The following RALGAPA1 variants were observed in gnomAD, a reference collection of about 807,000 sequenced individuals.
RALGAPA1 encodes the protein ral GTPase-activating protein subunit alpha-1.
A neutral mutation model predicts 269.6 loss-of-function variants in RALGAPA1; 52 were observed. The ratio of observed to expected loss-of-function variants is 0.19; its 90% CI spans 0.15 to 0.24. RALGAPA1 has a LOEUF of 0.24. Ranked by LOEUF, RALGAPA1 falls within the 10% of genes least tolerant of loss-of-function variation. The pLI is 1.00. For missense variants in RALGAPA1, 1,917 were observed against 3,013.9 expected, an observed-to-expected ratio of 0.64 and a Z score of 8.52; for synonymous variants, 817 against 1,008.3, an observed-to-expected ratio of 0.81 and a Z score of 3.60.
chr14:35,803,303 C>T (rs1176841224), intron 1 of RALGAPA1, among the ~76,000 whole-genome samples: 2 of 152,202 alleles, frequency 1.3e-5, no homozygotes, highest in South Asian at 2.1e-4. Context: ...CATGCAAAAA[C>T]GTAAACTTCT....
intron 7 of RALGAPA1, 134 bp downstream of exon 7, chr14:35,756,659 C>T (rs866952986): frequency 1.9e-6 from 1 of 536,488 alleles, no homozygotes; most frequent in African/African-American, 1.9e-5. Flanking sequence ...AGCCATTGAC[C>T]CTTCCCCTCC....
In RALGAPA1 at chr14:35,798,501, CCA is replaced by C. The variant is rs750237206; in HGVS notation, c.106+10227_106+10228del. Among the ~76,000 whole-genome samples, 29 of 152,232 alleles carry C rather than the reference CCA, an allele frequency of 1.9e-4. No homozygotes were observed. The East Asian group carries it at 5.4e-3, about 28-fold the overall frequency. On this transcript the variant is annotated intron_variant, in intron 1 of 41. Coordinates refer to ENST00000680220, the MANE Select transcript of RALGAPA1 (RefSeq NM_001346249.2). ...CTGTAAGAGAAGACTTGAAATGTTC[CCA>C]GCACAAATAAATAATAAATGTTCAA...
chr14:35,602,291 T>C (rs2059338909), intron 36 of RALGAPA1, among the ~76,000 whole-genome samples: 1 of 152,230 alleles, frequency 6.6e-6, no homozygotes, highest in African/African-American at 2.4e-5. Flanking sequence ...GCCAGGCTTT[T>C]GCATGGACAT....
At chr14:35,633,621 G>A (rs1415161889) in intron 33 of RALGAPA1, among the ~76,000 whole-genome samples, 1 of 152,050 alleles carries the variant, frequency 6.6e-6, no homozygotes, top group Non-Finnish European at 1.5e-5. Context: ...ATGACAATAT[G>A]GATGTATCAC....
At chr14:35,766,671 G>C (rs2074175927) in intron 4 of RALGAPA1, 1 of 667,418 alleles carries the variant, frequency 1.5e-6, no homozygotes, top group Non-Finnish European at 2.9e-6. Context: ...AATTCTCTCA[G>C]GAAATGTTTT....
intron 39 of RALGAPA1, among the ~76,000 whole-genome samples, chr14:35,563,644 A>G (rs2056466569): frequency 6.6e-6 from 1 of 152,218 alleles, no homozygotes; most frequent in African/African-American, 2.4e-5. Flanking sequence ...TTGACTTACA[A>G]TGGGCTTACA....
chr14:35,658,491 T>C (rs2063341811), intron 28 of RALGAPA1, among the ~76,000 whole-genome samples: 1 of 152,066 alleles, frequency 6.6e-6, no homozygotes, highest in South Asian at 2.1e-4. Context: ...TGACGTACTA[T>C]TAGAATTAGC....
intron 36 of RALGAPA1, among the ~76,000 whole-genome samples, chr14:35,603,890 C>T (rs768587954): frequency 8.6e-5 from 13 of 151,786 alleles, no homozygotes; most frequent in Non-Finnish European, 1.8e-4. Context: ...CTAATGAATA[C>T]GAAACATATA....
At chr14:35,790,028 G>A (rs2076046941) in intron 1 of RALGAPA1, among the ~76,000 whole-genome samples, 1 of 151,826 alleles carries the variant, frequency 6.6e-6, no homozygotes, top group African/African-American at 2.4e-5. Flanking sequence ...CCAAGGAGGT[G>A]GATCTCTTGA....
intron 1 of RALGAPA1, among the ~76,000 whole-genome samples, chr14:35,795,212 T>C (rs1199671829): frequency 1.3e-5 from 2 of 152,038 alleles, no homozygotes; most frequent in Admixed American, 6.6e-5. Flanking sequence ...TAAGTCGTAG[T>C]GAGGAGAAAG....
At chr14:35,557,267 A>G (rs2055713793) in intron 39 of RALGAPA1, among the ~76,000 whole-genome samples, 1 of 151,246 alleles carries the variant, frequency 6.6e-6, no homozygotes, top group Admixed American at 6.6e-5. Flanking sequence ...TCTTGGAAAG[A>G]TCTACTTGGA....
At chr14:35,628,127 T>C (rs559478452) in intron 33 of RALGAPA1, among the ~76,000 whole-genome samples, 176 bp from the exon 34 acceptor site, 2 of 152,344 alleles carry the variant, frequency 1.3e-5, no homozygotes, top group South Asian at 4.1e-4. Flanking sequence ...GATGAAGTTT[T>C]GTTTATAAGG....
chr14:35,734,083 T>C (rs1364156129), intron 12 of RALGAPA1, among the ~76,000 whole-genome samples: 2 of 152,170 alleles, frequency 1.3e-5, no homozygotes, highest in Non-Finnish European at 2.9e-5. Context: ...ACACATCCCA[T>C]GCTCATGGAT....
chr14:35,622,480 TTGTGCAC>T lies in RALGAPA1; in HGVS notation c.6929+2874_6929+2880del, dbSNP rs1380758924. Among the ~76,000 whole-genome samples, 9 of 152,328 alleles carry T rather than the reference TTGTGCAC, an allele frequency of 5.9e-5. No homozygotes were observed. The East Asian group carries it at 1.7e-3, about 29-fold the overall frequency. On this transcript the variant is annotated intron_variant, in intron 35 of 41. Transcript: ENST00000680220. ...TATACGTATGTAACAAACCTGCACG[TTGTGCAC>T]ATGTACCCTAAAACTTAAAGTATAA...
intron 37 of RALGAPA1, among the ~76,000 whole-genome samples, chr14:35,588,800 C>T (rs945172812): frequency 2.6e-5 from 4 of 152,186 alleles, no homozygotes; most frequent in African/African-American, 4.8e-5. Context: ...AGATTATCTG[C>T]ACACTCACGT....
At chr14:35,687,826 T>C (rs1023064752) in intron 18 of RALGAPA1, among the ~76,000 whole-genome samples, 6 of 152,212 alleles carry the variant, frequency 3.9e-5, no homozygotes, top group African/African-American at 9.6e-5. Context: ...TTGCATTCTA[T>C]ATAAATGAAT....
chr14:35,627,049 G>GAA (rs34349314), intron 34 of RALGAPA1, 41 bp downstream of exon 34: 165,828 of 1,078,162 alleles, frequency 0.15, 90 homozygotes, highest in East Asian at 0.21. Flanking sequence ...GAATAAGACC[G>GAA]AAAAAAAAAA....
At position 35,746,407 on chromosome 14, in the gene RALGAPA1, C is replaced by T. The variant is rs536195670; in HGVS notation, c.1251+2178G>A. 2.6e-5 allele frequency among the ~76,000 whole-genome samples: 4 copies of T among 152,072 alleles called. No homozygotes were observed. In the South Asian group the frequency reaches 8.3e-4, roughly 32 times the overall value. On this transcript the variant is annotated intron_variant, in intron 10 of 41. Coordinates refer to ENST00000680220, the MANE Select transcript of RALGAPA1 (RefSeq NM_001346249.2). The stretch of plus-strand genomic sequence containing the variant: ...AAGATTTTATCATAAGTGTTCTTAC[C>T]ATATGCAAGCAAATGAAATTTTATC...
intron 10 of RALGAPA1, among the ~76,000 whole-genome samples, chr14:35,743,829 T>A (rs1387078839): frequency 1.3e-5 from 2 of 152,162 alleles, no homozygotes; most frequent in African/African-American, 2.4e-5. Context: ...AGTTCTATAG[T>A]TTAACAATAA....
Sources: allele counts gnomAD v4.1 joint callset (sites outside exome capture counted in the v4.1 genomes callset), GRCh38; gene constraint gnomAD v4.1.1; transcripts MANE v1.5; gene names NCBI Gene and HGNC (gene_info 2026-07-23, HGNC 2026-07-21).